Variants in DLGAP2 observed in about 807,000 individuals in gnomAD.
DLGAP2 encodes disks large-associated protein 2.
A neutral mutation model predicts 100.3 loss-of-function variants in DLGAP2; 26 were observed. The observed-to-expected ratio is 0.26, with a 90% CI of 0.19 to 0.36. DLGAP2 has a LOEUF of 0.36. DLGAP2 is among the 10% of genes least tolerant of loss of function. The pLI is 1.00. For synonymous variants in DLGAP2, 886 were observed against 630.1 expected (o/e 1.41, Z -6.08); for missense variants, 1,858 against 1,453.2 (o/e 1.28, Z -4.53).
At position 1,702,571 on chromosome 8, in the gene DLGAP2, C is replaced by G. The variant is rs1009089351; in HGVS notation, c.*1165C>G. 2 of 151,638 alleles carry G rather than the reference C, an allele frequency of 1.3e-5. No individual in the cohort carries two copies. Among genetic ancestry groups the G allele is most frequent in the Non-Finnish European group, 2.9e-5 (2 of 67,876 alleles). The allele number at this position is 151,638 out of a possible 1,614,324, so 9.4% of individuals were successfully genotyped here. A position where few individuals can be genotyped will look rare whatever the true frequency, so the allele number is the denominator to read the frequency against. ...GAATATATTCCTTGCCTGTGTTAGA[C>G]ATGAAGGGAAAAAGAGGTCACATAT... On this transcript the variant is annotated 3_prime_UTR_variant, in exon 15 of 15. Transcript: ENST00000637795.
At chr8:1,006,350 C>T (rs888001819) in intron 2 of DLGAP2, among the ~76,000 whole-genome samples, 3 of 152,034 alleles carry the variant, frequency 2.0e-5, no homozygotes, top group South Asian at 4.2e-4. Flanking sequence ...GGGTGCCCTG[C>T]GTCTCAAGTC....
chr8:1,360,985 A>G (rs548610375), intron 3 of DLGAP2, among the ~76,000 whole-genome samples: 2 of 152,324 alleles, frequency 1.3e-5, no homozygotes, highest in East Asian at 3.9e-4. Flanking sequence ...GATTACAGAA[A>G]AAGTTTCCAG....
intron 3 of DLGAP2, among the ~76,000 whole-genome samples, chr8:1,389,212 C>A (rs1292336773): frequency 1.3e-5 from 2 of 151,962 alleles, no homozygotes; most frequent in Admixed American, 1.3e-4. Context: ...TGGGAAATGC[C>A]ATAATGGGAG....
At chr8:1,105,238 A>G (rs368650626) in intron 2 of DLGAP2, among the ~76,000 whole-genome samples, 8 of 152,326 alleles carry the variant, frequency 5.3e-5, no homozygotes, top group African/African-American at 1.9e-4. Flanking sequence ...AAGTTCTTAA[A>G]AATTACAACC....
intron 2 of DLGAP2, among the ~76,000 whole-genome samples, chr8:1,030,356 T>C (rs945474721): frequency 1.3e-5 from 2 of 152,158 alleles, no homozygotes; most frequent in African/African-American, 4.8e-5. Flanking sequence ...TCAAATACAG[T>C]TCTGTTCAAA....
At chr8:1,113,245 C>T (rs945919773) in intron 2 of DLGAP2, among the ~76,000 whole-genome samples, 2 of 152,062 alleles carry the variant, frequency 1.3e-5, no homozygotes, top group South Asian at 2.1e-4. Context: ...TAAAGAGTGT[C>T]ATTGGTATTT....
At chr8:766,427 C>T (rs1160186928) in intron 1 of DLGAP2, among the ~76,000 whole-genome samples, 4 of 152,198 alleles carry the variant, frequency 2.6e-5, no homozygotes, top group African/African-American at 4.8e-5. Flanking sequence ...CTTTGAAATT[C>T]GTCACATAAA....
At chr8:1,222,040 G>C (rs1179981518) in intron 2 of DLGAP2, among the ~76,000 whole-genome samples, 1 of 152,138 alleles carries the variant, frequency 6.6e-6, no homozygotes, top group Non-Finnish European at 1.5e-5. Flanking sequence ...TCTGAATCTT[G>C]AGCTTCTGTG....
intron 3 of DLGAP2, among the ~76,000 whole-genome samples, chr8:1,319,428 C>G (rs1038207413): frequency 1.3e-5 from 2 of 152,202 alleles, no homozygotes; most frequent in African/African-American, 4.8e-5. Context: ...TGTCTGCCCA[C>G]TCACTCAGCC....
At position 1,183,808 on chromosome 8, in the gene DLGAP2, C is replaced by G. The variant is rs185398780; in HGVS notation, c.74-75043C>G. On this transcript the variant is annotated intron_variant, in intron 2 of 14. Transcript: ENST00000637795. ...AACGAAGCTGCAGAGTACGGAACAC[C>G]CTTTGCAAGCCTTCAGGCAGAGAAC... 6.6e-5 allele frequency among the ~76,000 whole-genome samples: 10 copies of G among 152,288 alleles called. No individual in the cohort carries two copies. The East Asian group carries it at 1.9e-3, about 29-fold the overall frequency.
chr8:1,275,350 A>T (rs1799660914), intron 3 of DLGAP2, among the ~76,000 whole-genome samples: 1 of 145,594 alleles, frequency 6.9e-6, no homozygotes, highest in African/African-American at 2.7e-5. Context: ...TCGAGCAGGG[A>T]ATTTGGAATG....
intron 3 of DLGAP2, among the ~76,000 whole-genome samples, chr8:1,438,492 A>G (rs201304479): frequency 1.3e-5 from 2 of 152,238 alleles, no homozygotes; most frequent in Admixed American, 6.5e-5. Context: ...TTAAAAAAAA[A>G]CCACCATACG....
chr8:1,233,105 A>G (rs1047435341), intron 2 of DLGAP2, among the ~76,000 whole-genome samples: 7 of 152,334 alleles, frequency 4.6e-5, no homozygotes, highest in East Asian at 3.9e-4. Context: ...TAGCAGTGCC[A>G]GCGCCTAATA....
chr8:1,522,025 T>A (rs35140995), intron 4 of DLGAP2, among the ~76,000 whole-genome samples: 1 of 118,704 alleles, frequency 8.4e-6, no homozygotes, highest in African/African-American at 3.0e-5. Flanking sequence ...GGCAGGTGAT[T>A]TGGGGCGTCT....
intron 1 of DLGAP2, among the ~76,000 whole-genome samples, chr8:743,615 A>G (rs1820541372): frequency 6.6e-6 from 1 of 152,102 alleles, no homozygotes; most frequent in South Asian, 2.1e-4. Flanking sequence ...TTCAGGTTGG[A>G]GTGAGTGGCA....
chr8:1,101,957 T>A (rs997476993), intron 2 of DLGAP2, among the ~76,000 whole-genome samples: 1 of 152,034 alleles, frequency 6.6e-6, no homozygotes. Flanking sequence ...GTCAAGATGG[T>A]GGATTTTATA....
intron 2 of DLGAP2, among the ~76,000 whole-genome samples, chr8:1,250,062 G>C (rs1159019175): frequency 2.0e-5 from 3 of 152,082 alleles, no homozygotes; most frequent in South Asian, 4.2e-4. Context: ...TGTATTTTTA[G>C]TAGAGATGGG....
chr8:1,375,354 C>T (rs1340036548), intron 3 of DLGAP2, among the ~76,000 whole-genome samples: 1 of 52,600 alleles, frequency 1.9e-5, no homozygotes, highest in Non-Finnish European at 3.4e-5. Flanking sequence ...CACCTCTCCA[C>T]GGCCTCAGAA....
chr8:1,336,654 C>G (rs11987038), intron 3 of DLGAP2, among the ~76,000 whole-genome samples: 66,663 of 151,612 alleles, frequency 0.44, 17,929 homozygotes, highest in African/African-American at 0.77. Flanking sequence ...CTGGAACAGG[C>G]TGGGGCCCCT....
Sources: gnomAD v4.1 joint callset for allele counts (sites outside exome capture counted in the v4.1 genomes callset) on GRCh38, gnomAD v4.1.1 for gene constraint, MANE v1.5 for transcripts, NCBI Gene and HGNC (gene_info 2026-07-23, HGNC 2026-07-21) for gene names.